The following LHFPL3 variants were observed in gnomAD, a reference collection of about 807,000 sequenced individuals.
LHFPL3 encodes the protein LHFPL tetraspan subfamily member 3 protein.
A neutral mutation model predicts 19.3 loss-of-function variants in LHFPL3; 5 were observed. That is an observed-to-expected ratio of 0.26 (90% CI 0.14 to 0.54). The LOEUF (loss-of-function observed/expected upper bound fraction) is 0.54. Ranked by LOEUF, LHFPL3 falls within the 20% of genes least tolerant of loss-of-function variation. The probability of loss-of-function intolerance (pLI) is 0.94; values close to 1 mark genes in which losing one functional copy is unlikely to be tolerated. For synonymous variants in LHFPL3, 133 were observed against 126.2 expected (o/e 1.05, Z -0.36); for missense variants, 249 against 307.4 (o/e 0.81, Z 1.42).
chr7:104,391,126 C>T (rs577260473), intron 1 of LHFPL3, among the ~76,000 whole-genome samples: 150 of 152,224 alleles, frequency 9.9e-4, no homozygotes, highest in African/African-American at 3.5e-3. Flanking sequence ...TTCTCCCATT[C>T]TGTAGTTTGC....
chr7:104,783,786 C>A (rs931006847), intron 2 of LHFPL3, among the ~76,000 whole-genome samples: 11 of 152,148 alleles, frequency 7.2e-5, no homozygotes, highest in Non-Finnish European at 1.5e-4. Flanking sequence ...CCAACCAGTT[C>A]CTCCATTGCT....
intron 1 of LHFPL3, among the ~76,000 whole-genome samples, chr7:104,653,915 G>C (rs1188346139): frequency 2.0e-5 from 3 of 152,156 alleles, no homozygotes; most frequent in Non-Finnish European, 4.4e-5. Context: ...CCTCCACGCA[G>C]AACCAGGTGA....
intron 1 of LHFPL3, among the ~76,000 whole-genome samples, chr7:104,509,830 T>G (rs1333621510): frequency 6.6e-6 from 1 of 152,108 alleles, no homozygotes; most frequent in African/African-American, 2.4e-5. Context: ...TGTGACGATC[T>G]ATGTAGAAAG....
At chr7:104,477,946 G>A (rs1158329784) in intron 1 of LHFPL3, among the ~76,000 whole-genome samples, 1 of 152,070 alleles carries the variant, frequency 6.6e-6, no homozygotes, top group African/African-American at 2.4e-5. Context: ...AAAGCACTAG[G>A]GGTTAGTCCA....
chr7:104,739,906 T>C (rs539184149), intron 2 of LHFPL3, among the ~76,000 whole-genome samples: 26 of 152,220 alleles, frequency 1.7e-4, no homozygotes, highest in Non-Finnish European at 3.7e-4. Flanking sequence ...AGTTTTATGG[T>C]TGATATGGTC....
chr7:104,804,898 G>A (rs749249839), intron 2 of LHFPL3, among the ~76,000 whole-genome samples: 242 of 152,270 alleles, frequency 1.6e-3, no homozygotes, highest in Non-Finnish European at 2.4e-3. Flanking sequence ...AACAAATGTG[G>A]GCTGTTCTAA....
In LHFPL3 at chr7:104,604,367, T is replaced by A. The variant is rs188616894; in HGVS notation, c.446-132308T>A. On this transcript the variant is annotated intron_variant, in intron 1 of 2. Coordinates refer to ENST00000424859, the MANE Select transcript of LHFPL3 (RefSeq NM_199000.3). ...ACCCTGGGCCTGTCCCCCAAAACTA[T>A]TCTGCCCCGCTAGAGCTCTGGGCCT... Among the ~76,000 whole-genome samples the A allele has an allele frequency of 2.7e-4, 41 of 152,222 alleles. No homozygotes were observed. The East Asian group carries it at 7.9e-3, about 29-fold the overall frequency.
chr7:104,341,291 T>C (rs1789945279), intron 1 of LHFPL3, among the ~76,000 whole-genome samples: 1 of 152,236 alleles, frequency 6.6e-6, no homozygotes, highest in Non-Finnish European at 1.5e-5. Context: ...TTCCTCCTTG[T>C]ATTTCTTTAG....
At chr7:104,468,603 C>T (rs951873126) in intron 1 of LHFPL3, among the ~76,000 whole-genome samples, 3 of 151,552 alleles carry the variant, frequency 2.0e-5, no homozygotes, top group Non-Finnish European at 4.4e-5. Flanking sequence ...TTTGGCATGG[C>T]ACAGTTTCCA....
intron 1 of LHFPL3, among the ~76,000 whole-genome samples, chr7:104,611,367 C>T (rs1334419366): frequency 6.6e-6 from 1 of 152,152 alleles, no homozygotes; most frequent in African/African-American, 2.4e-5. Context: ...CTTCCTATTG[C>T]TAGAAGGGGA....
intron 2 of LHFPL3, among the ~76,000 whole-genome samples, chr7:104,774,494 C>A (rs1794610046): frequency 6.6e-6 from 1 of 152,160 alleles, no homozygotes; most frequent in Non-Finnish European, 1.5e-5. Flanking sequence ...TCTCCAGAAC[C>A]CAATTCTCAC....
intron 1 of LHFPL3, among the ~76,000 whole-genome samples, chr7:104,543,588 A>G (rs1312404031): frequency 6.6e-6 from 1 of 152,004 alleles, no homozygotes; most frequent in East Asian, 1.9e-4. Context: ...GCAGCCATAA[A>G]AAATGAAGAG....
chr7:104,460,892 G>T (rs555083422), intron 1 of LHFPL3, among the ~76,000 whole-genome samples: 3 of 152,058 alleles, frequency 2.0e-5, no homozygotes, highest in Non-Finnish European at 4.4e-5. Context: ...ATTGCTTCTG[G>T]CATCTTTATC....
chr7:104,654,273 G>T (rs1417530397), intron 1 of LHFPL3, among the ~76,000 whole-genome samples: 1 of 152,194 alleles, frequency 6.6e-6, no homozygotes, highest in Non-Finnish European at 1.5e-5. Flanking sequence ...CCGACCAGCA[G>T]AATTTGTTAC....
At chr7:104,619,698 G>A (rs142621121) in intron 1 of LHFPL3, among the ~76,000 whole-genome samples, 1 of 152,078 alleles carries the variant, frequency 6.6e-6, no homozygotes, top group African/African-American at 2.4e-5. Context: ...GTTCTCGATG[G>A]GGGGAGAATA....
intron 2 of LHFPL3, among the ~76,000 whole-genome samples, chr7:104,889,552 A>G (rs1007836727): frequency 4.6e-5 from 7 of 152,202 alleles, no homozygotes; most frequent in Non-Finnish European, 1.0e-4. Flanking sequence ...AAGTGGGAGA[A>G]TCGCTTGAAC....
intron 2 of LHFPL3, chr7:104,738,530 G>C (rs1258038215): frequency 2.0e-5 from 3 of 152,110 alleles, no homozygotes; most frequent in African/African-American, 7.2e-5. Flanking sequence ...GTCATATTGA[G>C]AACCTTTCAC....
At chr7:104,625,135 C>T (rs935296599) in intron 1 of LHFPL3, among the ~76,000 whole-genome samples, 1 of 152,210 alleles carries the variant, frequency 6.6e-6, no homozygotes, top group African/African-American at 2.4e-5. Context: ...TGGACAAACT[C>T]TTCACTAACA....
chr7:104,700,314 C>A (rs959688828), intron 1 of LHFPL3, among the ~76,000 whole-genome samples: 7 of 152,180 alleles, frequency 4.6e-5, no homozygotes, highest in African/African-American at 1.7e-4. Context: ...GTTTCCTTAA[C>A]GTCTCCACTC....
Sources: allele counts gnomAD v4.1 joint callset (sites outside exome capture counted in the v4.1 genomes callset), GRCh38; gene constraint gnomAD v4.1.1; transcripts MANE v1.5; gene names NCBI Gene and HGNC (gene_info 2026-07-23, HGNC 2026-07-21).